ZNF263: variants seen among roughly 807,000 people sequenced by gnomAD.
The protein encoded by ZNF263 is zinc finger protein 263.
A neutral mutation model predicts 63.1 loss-of-function variants in ZNF263; 49 were observed. The ratio of observed to expected loss-of-function variants is 0.78; its 90% CI spans 0.62 to 0.99. ZNF263 has a LOEUF of 0.99. Among genes scored for constraint, ZNF263 ranks in the 50% least tolerant of loss-of-function variants. ZNF263 has a pLI of 0.00. For synonymous variants in ZNF263, 352 were observed against 324.2 expected (o/e 1.09, Z -0.92); for missense variants, 872 against 854.8 (o/e 1.02, Z -0.25).
rs1283120883 is a variant in ZNF263 at position 3,283,955 on chromosome 16, G to A, written c.137G>A (p.Arg46Gln). ...GAGGCCTCCCACTTGCGCTTCAGAC[G>A]GTTCCGCTTCCAAGAGGCAGCTGGT... Reference protein sequence around the residue: ...SPEASHLRFRRFRFQEAAGPR... With the variant: ...SPEASHLRFRQFRFQEAAGPR... The change falls in exon 1 of 6, where the codon CGG (arginine) becomes CAG (glutamine). Residue 46 changes from arginine (R) to glutamine (Q), a missense_variant. Transcript: ENST00000219069. 4 of 1,613,952 alleles carry A rather than the reference G, an allele frequency of 2.5e-6. No individual in the cohort carries two copies. Among genetic ancestry groups the A allele is most frequent in the African/African-American group, 1.3e-5 (1 of 75,066 alleles).
intron 1 of ZNF263, 111 bp downstream of exon 1, chr16:3,284,316 G>A: frequency 7.2e-7 from 1 of 1,385,198 alleles, no homozygotes. Context: ...CTTACGTGGG[G>A]AAGAGGACTT....
intron 4 of ZNF263, 45 bp downstream of exon 4, chr16:3,286,194 C>T: frequency 6.5e-7 from 1 of 1,546,832 alleles, no homozygotes; most frequent in South Asian, 1.3e-5. Flanking sequence ...CATTTCTGAC[C>T]AGGGTCCTGC....
chr16:3,287,685 A>G (rs763863122), intron 4 of ZNF263, among the ~76,000 whole-genome samples: 4 of 152,038 alleles, frequency 2.6e-5, no homozygotes, highest in Non-Finnish European at 5.9e-5. Flanking sequence ...TTTTTGGCAC[A>G]GCATAGAAAT....
chr16:3,283,739 G>T lies in ZNF263; in HGVS notation c.-80G>T. On this transcript the variant is annotated 5_prime_UTR_variant, in exon 1 of 6. Transcript: ENST00000219069. ...CCGGCCCCGGGCTCCTGCTGGCGCC[G>T]TCCAACCTTACATGGGTTCAGGGCG... The T allele has an allele frequency of 1.5e-5, 22 of 1,426,522 alleles. No individual in the cohort carries two copies. Among genetic ancestry groups the T allele is most frequent in the Non-Finnish European group, 2.0e-5 (22 of 1,093,728 alleles). 88.4% of individuals were successfully genotyped at this position (1,426,522 alleles called of 1,614,324 possible). A position where few individuals can be genotyped will look rare whatever the true frequency, so the allele number is the denominator to read the frequency against.
downstream of ZNF263, among the ~76,000 whole-genome samples, chr16:3,294,475 C>CATTT (rs373123918): frequency 2.2e-3 from 334 of 152,148 alleles, no homozygotes; most frequent in Middle Eastern, 0.01. Context: ...AAGCAAAATG[C>CATTT]ATTTATTTAT....
chr16:3,299,105 G>C lies in ZNF263; in HGVS notation c.152-1G>C. ...ACTATTTCTTGTTGCATCTCTTTCA[G>C]TGTGAAGTGGAATCTCTGAAACTCA... On this transcript the variant is annotated splice_acceptor_variant, in intron 1 of 2. Coordinates refer to the ZNF263 transcript ENST00000574674. LOFTEE classifies it high-confidence loss of function. 6.9e-7 allele frequency: 1 copy of C among 1,448,940 alleles called. No homozygotes were observed. Among genetic ancestry groups the C allele is most frequent in the Middle Eastern group, 1.8e-4 (1 of 5,412 alleles). 89.8% of individuals were successfully genotyped at this position (1,448,940 alleles called of 1,614,324 possible).
At chr16:3,297,114 G>C (rs908116435) in intron 1 of ZNF263, among the ~76,000 whole-genome samples, 1 of 151,924 alleles carries the variant, frequency 6.6e-6, no homozygotes, top group Admixed American at 6.6e-5. Context: ...ACCAACCTGA[G>C]AAACATGGTG....
chr16:3,295,206 C>T (rs1010921079), downstream of ZNF263, among the ~76,000 whole-genome samples: 2 of 146,130 alleles, frequency 1.4e-5, no homozygotes, highest in Non-Finnish European at 2.9e-5. Flanking sequence ...CCAACCGCCG[C>T]CCCGGGCCTC....
In ZNF263 at chr16:3,289,405, T is replaced by C. The variant is rs769553815; in HGVS notation, c.899T>C (p.Phe300Ser). The change falls in exon 6 of 6, where the codon TTT (phenylalanine) becomes TCT (serine). Residue 300 changes from phenylalanine to serine, a missense_variant. Transcript: ENST00000219069. ...CTCTCTCTACCAGGAGAAGAGAAAT[T>C]TGAGAACCTGGAAGGTGTTCCGTCT... is the stretch of plus-strand genomic sequence containing the variant. ...PRGPAPGEEKFENLEGVPSVC... is the reference protein window; with the variant it reads ...PRGPAPGEEKSENLEGVPSVC... The C allele has an allele frequency of 6.6e-6, 10 of 1,509,474 alleles. No individual in the cohort carries two copies. The highest frequency in any genetic ancestry group is 8.9e-6 in the Non-Finnish European group (10 of 1,129,890). 93.5% of individuals were successfully genotyped at this position (1,509,474 alleles called of 1,614,324 possible). A position where few individuals can be genotyped will look rare whatever the true frequency, so the allele number is the denominator to read the frequency against.
At chr16:3,298,746 C>T (rs35416234) in intron 1 of ZNF263, 46 of 334,372 alleles carry the variant, frequency 1.4e-4, no homozygotes, top group Non-Finnish European at 1.1e-5. Flanking sequence ...TGGGACAATA[C>T]TTCATTATTC....
chr16:3,283,822 G>T lies in ZNF263; in HGVS notation c.4G>T (p.Ala2Ser). Residue 2 changes from alanine (A) to serine (S), a missense_variant, in exon 1 of 6, where the codon GCG (alanine) becomes TCG (serine). Ala to Ser is a moderately conservative substitution (Grantham distance 99). Coordinates refer to ENST00000219069, the MANE Select transcript of ZNF263 (RefSeq NM_005741.5). ...AAGGCGCTCTGGAGACCTGACGATG[G>T]CGTCGGGCCCGGGCTCCCAGGAACG... M[A>S]SGPGSQEREG... 6.4e-7 allele frequency: 1 copy of T among 1,563,472 alleles called. No homozygotes were observed. Among genetic ancestry groups the T allele is most frequent in the Non-Finnish European group, 8.6e-7 (1 of 1,158,034 alleles).
chr16:3,299,109 G>A, exon 2 of ZNF263: 2 of 1,458,004 alleles, frequency 1.4e-6, no homozygotes, highest in Non-Finnish European at 1.8e-6. Context: ...CTTTCAGTGT[G>A]AAGTGGAATC....
intron 1 of ZNF263, among the ~76,000 whole-genome samples, chr16:3,298,488 G>A (rs1959829751): frequency 6.6e-6 from 1 of 152,196 alleles, no homozygotes. Flanking sequence ...TTAGTCAATA[G>A]AATTGAGTGC....
chr16:3,290,802 C>T lies in ZNF263; in HGVS notation c.*244C>T. The T allele has an allele frequency of 7.7e-7, 1 of 1,297,336 alleles. No homozygotes were observed. The highest frequency in any genetic ancestry group is 1.5e-5 in the African/African-American group (1 of 67,304). 80.4% of individuals were successfully genotyped at this position (1,297,336 alleles called of 1,614,324 possible). A position where few individuals can be genotyped will look rare whatever the true frequency, so the allele number is the denominator to read the frequency against. Reference sequence around the variant, plus strand: ...TCAGGGTGGAATTCTCTGTTAAGTCCACCCTGCCCCAGGGTGCTCCTACCC... The same window carrying T: ...TCAGGGTGGAATTCTCTGTTAAGTCTACCCTGCCCCAGGGTGCTCCTACCC... On this transcript the variant is annotated 3_prime_UTR_variant, in exon 6 of 6. Coordinates refer to ENST00000219069, the MANE Select transcript of ZNF263 (RefSeq NM_005741.5).
chr16:3,284,284 A>G (rs1384766834), intron 1 of ZNF263, 79 bp downstream of exon 1: 10 of 1,457,020 alleles, frequency 6.9e-6, no homozygotes, highest in Middle Eastern at 1.9e-4. Context: ...GGTCGAATTC[A>G]AGTAAATTGC....
chr16:3,283,687 G>T lies in ZNF263; in HGVS notation c.-132G>T. 7.5e-7 allele frequency: 1 copy of T among 1,336,148 alleles called. No homozygotes were observed. The highest frequency in any genetic ancestry group is 9.6e-7 in the Non-Finnish European group (1 of 1,045,670). The allele number at this position is 1,336,148 out of a possible 1,614,324, so 82.8% of individuals were successfully genotyped here. A position where few individuals can be genotyped will look rare whatever the true frequency, so the allele number is the denominator to read the frequency against. On this transcript the variant is annotated 5_prime_UTR_variant, in exon 1 of 6. Coordinates refer to ENST00000219069, the MANE Select transcript of ZNF263 (RefSeq NM_005741.5). ...AGCCGGCCGCGCCTGGGCTGGAGCG[G>T]GGCTCCTCGGCCTGGACTGGGAGCC...
intron 5 of ZNF263, among the ~76,000 whole-genome samples, chr16:3,288,931 C>G (rs780678952): frequency 3.3e-5 from 5 of 152,188 alleles, no homozygotes; most frequent in East Asian, 1.9e-4. Context: ...GTGTGAGCCA[C>G]CGCCCCCAGC....
chr16:3,290,158 G>T lies in ZNF263; in HGVS notation c.1652G>T (p.Cys551Phe). ...ERERLYPFSE[C>F]GEAVSDSTPF... ...GAGAGACTTTACCCCTTCTCTGAGT[G>T]TGGGGAAGCTGTGAGTGACAGCACC... The change falls in exon 6 of 6, where the codon TGT (cysteine) becomes TTT (phenylalanine). Residue 551 changes from cysteine (C) to phenylalanine (F), a missense_variant. By Grantham distance (205) the Cys-to-Phe change is radical. Transcript: ENST00000219069. The T allele has an allele frequency of 1.2e-6, 2 of 1,614,166 alleles. No individual in the cohort carries two copies. The highest frequency in any genetic ancestry group is 1.7e-6 in the Non-Finnish European group (2 of 1,180,022).
rs1959234044 is a variant in ZNF263, at chr16:3,283,717, G to T, written c.-102G>T. On this transcript the variant is annotated 5_prime_UTR_variant, in exon 1 of 6. Coordinates refer to ENST00000219069, the MANE Select transcript of ZNF263 (RefSeq NM_005741.5). ...CCTCGGCCTGGACTGGGAGCCCCCG[G>T]CCCCGGGCTCCTGCTGGCGCCGTCC... 2.9e-6 allele frequency: 4 copies of T among 1,401,940 alleles called. No individual in the cohort carries two copies. Among genetic ancestry groups the T allele is most frequent in the Non-Finnish European group, 2.8e-6 (3 of 1,082,258 alleles). 86.8% of individuals were successfully genotyped at this position (1,401,940 alleles called of 1,614,324 possible).
Sources: allele counts gnomAD v4.1 joint callset (sites outside exome capture counted in the v4.1 genomes callset), GRCh38; gene constraint gnomAD v4.1.1; transcripts MANE v1.5; gene names NCBI Gene and HGNC (gene_info 2026-07-23, HGNC 2026-07-21).